The following GATAD2A variants were observed in gnomAD, a reference collection of about 807,000 sequenced individuals.
The protein encoded by GATAD2A is GATA zinc finger domain containing 2A.
A neutral mutation model predicts 68.5 loss-of-function variants in GATAD2A; 12 were observed. The ratio of observed to expected loss-of-function variants is 0.18; its 90% confidence interval spans 0.11 to 0.28. The LOEUF (loss-of-function observed/expected upper bound fraction) is 0.28. Ranked by LOEUF, GATAD2A falls within the 10% of genes least tolerant of loss-of-function variation. GATAD2A has a pLI of 1.00. For missense variants in GATAD2A, 755 were observed against 868.5 expected, an observed-to-expected ratio of 0.87 and a Z score of 1.64; for synonymous variants, 410 against 375.3, an observed-to-expected ratio of 1.09 and a Z score of -1.07.
intron 2 of GATAD2A, among the ~76,000 whole-genome samples, chr19:19,467,141 C>T (rs939915226): frequency 3.9e-5 from 6 of 152,104 alleles, no homozygotes; most frequent in African/African-American, 1.2e-4. Context: ...TTTAGGGGGC[C>T]GAGGCGGGTG....
intron 11 of GATAD2A, among the ~76,000 whole-genome samples, chr19:19,504,978 C>G (rs2060791583): frequency 6.6e-6 from 1 of 152,190 alleles, no homozygotes; most frequent in African/African-American, 2.4e-5. Context: ...GTATTCCATC[C>G]TGCATTATTG....
Position 19,465,486 on chromosome 19 carries a change from G to A in GATAD2A, c.141G>A (p.Arg47=), listed in dbSNP as rs2057795560. ...ASDLNTDGDM[R]VTPEPGAGPT... is the part of the protein sequence containing the mutation. Reference sequence around the variant, plus strand: ...ATTTAAACACTGACGGAGACATGAGGGTGACACCTGAGCCGGGAGCAGGTC... The same window carrying A: ...ATTTAAACACTGACGGAGACATGAGAGTGACACCTGAGCCGGGAGCAGGTC... The change falls in exon 2 of 12, where the codon AGG becomes AGA. Residue 47 remains arginine, a synonymous_variant. Coordinates refer to ENST00000683918, the MANE Select transcript of GATAD2A (RefSeq NM_001384528.1). 6.2e-7 allele frequency: 1 copy of A among 1,614,062 alleles called. No individual in the cohort carries two copies. Among genetic ancestry groups the A allele is most frequent in the Non-Finnish European group, 8.5e-7 (1 of 1,179,888 alleles).
intron 1 of GATAD2A, among the ~76,000 whole-genome samples, chr19:19,460,996 C>T (rs1030138380): frequency 6.6e-6 from 1 of 152,152 alleles, no homozygotes; most frequent in African/African-American, 2.4e-5. Flanking sequence ...CCCACAGCAC[C>T]GTCACCAACA....
At chr19:19,402,854 A>C (rs1023237731), upstream of GATAD2A, among the ~76,000 whole-genome samples, 1 of 147,452 alleles carries the variant, frequency 6.8e-6, no homozygotes, top group African/African-American at 2.5e-5. Context: ...GCTCACTGCA[A>C]CCTCCGCCTC....
chr19:19,390,948 A>T (rs1318595976), intron 1 of GATAD2A, among the ~76,000 whole-genome samples: 1 of 152,196 alleles, frequency 6.6e-6, no homozygotes, highest in African/African-American at 2.4e-5. Context: ...CTTAGTGCCC[A>T]CGAGGAGATC....
At position 19,507,702 on chromosome 19, in the gene GATAD2A, A is replaced by G. The variant is rs1052888542; in HGVS notation, c.*2228A>G. 6.6e-6 allele frequency: 1 copy of G among 151,884 alleles called. No individual in the cohort carries two copies. Among genetic ancestry groups the G allele is most frequent in the Non-Finnish European group, 1.5e-5 (1 of 68,004 alleles). 9.4% of individuals were successfully genotyped at this position (151,884 alleles called of 1,614,324 possible). On this transcript the variant is annotated 3_prime_UTR_variant, in exon 12 of 12. Transcript: ENST00000683918. ...CCTCGAAAGGGAGAGGGTCGGCCCC[A>G]TGTCCCCAGGGAGCATTCCATCAGG...
At chr19:19,491,572 C>G (rs991075807) in intron 2 of GATAD2A, among the ~76,000 whole-genome samples, 1 of 152,200 alleles carries the variant, frequency 6.6e-6, no homozygotes, top group Non-Finnish European at 1.5e-5. Context: ...AGAAACCAGT[C>G]CATGAGTAGA....
intron 2 of GATAD2A, among the ~76,000 whole-genome samples, chr19:19,473,269 G>T (rs1230420256): frequency 6.6e-6 from 1 of 152,188 alleles, no homozygotes; most frequent in Non-Finnish European, 1.5e-5. Flanking sequence ...GACGGGGCAG[G>T]CTGGGATGTG....
chr19:19,486,640 A>AAAC (rs1390873284), intron 2 of GATAD2A, among the ~76,000 whole-genome samples: 1 of 152,220 alleles, frequency 6.6e-6, no homozygotes, highest in Non-Finnish European at 1.5e-5. Context: ...CTGTCGGGGC[A>AAAC]AACCTCTCTC....
At chr19:19,458,028 G>A (rs946179806) in intron 1 of GATAD2A, among the ~76,000 whole-genome samples, 4 of 152,188 alleles carry the variant, frequency 2.6e-5, no homozygotes, top group Non-Finnish European at 5.9e-5. Context: ...GTCTTTGAAG[G>A]CTCAGGGAGC....
chr19:19,474,240 C>T, intron 2 of GATAD2A: 1 of 838,726 alleles, frequency 1.2e-6, no homozygotes, highest in Non-Finnish European at 1.4e-6. Flanking sequence ...ACTGGAATTG[C>T]CCCCAACCCC....
chr19:19,457,136 A>G, intron 1 of GATAD2A: 1 of 985,420 alleles, frequency 1.0e-6, no homozygotes, highest in Non-Finnish European at 1.2e-6. Context: ...TATGTGCAGC[A>G]CACCTGCTCT....
intron 2 of GATAD2A, among the ~76,000 whole-genome samples, chr19:19,489,306 C>G (rs2059633199): frequency 1.3e-5 from 2 of 152,244 alleles, no homozygotes; most frequent in African/African-American, 4.8e-5. Context: ...CATTTTCTGA[C>G]AGTACCTGAA....
intron 1 of GATAD2A, among the ~76,000 whole-genome samples, chr19:19,428,446 C>T (rs1485069394): frequency 1.3e-5 from 2 of 152,168 alleles, no homozygotes; most frequent in African/African-American, 2.4e-5. Context: ...TGCCTGGTGC[C>T]AGGGCCTGTC....
chr19:19,441,065 C>T (rs932428357), intron 1 of GATAD2A, among the ~76,000 whole-genome samples: 1 of 151,168 alleles, frequency 6.6e-6, no homozygotes, highest in Admixed American at 6.6e-5. Flanking sequence ...CCGTTCCTTC[C>T]CTCCCCTCAC....
intron 7 of GATAD2A, among the ~76,000 whole-genome samples, chr19:19,498,009 C>T (rs2060263573): frequency 6.6e-6 from 1 of 152,202 alleles, no homozygotes; most frequent in Non-Finnish European, 1.5e-5. Flanking sequence ...TGCAGAGAGG[C>T]TCATGGGGGT....
intron 1 of GATAD2A, among the ~76,000 whole-genome samples, chr19:19,455,891 C>T (rs1430258169): frequency 6.6e-6 from 1 of 152,172 alleles, no homozygotes; most frequent in African/African-American, 2.4e-5. Context: ...TGGCTTACGC[C>T]TGTAATCCCA....
intron 1 of GATAD2A, chr19:19,435,996 G>GT: frequency 2.6e-6 from 1 of 387,140 alleles, no homozygotes; most frequent in South Asian, 2.0e-5. Flanking sequence ...ATTGTGGAAG[G>GT]TAGCTGAGGC....
chr19:19,469,674 C>G (rs1414002009), intron 2 of GATAD2A, among the ~76,000 whole-genome samples: 1 of 152,118 alleles, frequency 6.6e-6, no homozygotes, highest in Non-Finnish European at 1.5e-5. Flanking sequence ...AGGCTGGGCG[C>G]AGTGGCTCAC....
Sources: allele counts gnomAD v4.1 joint callset (sites outside exome capture counted in the v4.1 genomes callset), GRCh38; gene constraint gnomAD v4.1.1; transcripts MANE v1.5; gene names NCBI Gene and HGNC (gene_info 2026-07-23, HGNC 2026-07-21).